The following DLG2 variants were observed in gnomAD, a reference collection of about 807,000 sequenced individuals.
The protein encoded by DLG2 is disks large homolog 2.
Under a neutral mutation model 132.5 loss-of-function variants are expected in DLG2, and 45 were observed. That is an observed-to-expected ratio of 0.34 (90% CI 0.27 to 0.44). The LOEUF (loss-of-function observed/expected upper bound fraction) is 0.44. DLG2 is among the 20% of genes least tolerant of loss of function. The probability of loss-of-function intolerance (pLI) is 1.00; values close to 1 mark genes in which losing one functional copy is unlikely to be tolerated. For synonymous variants in DLG2, 424 were observed against 419.6 expected (o/e 1.01, Z -0.13); for missense variants, 1,045 against 1,196.9 (o/e 0.87, Z 1.87).
chr11:84,862,824 G>GGGGGGGGGGGGGGGGA (rs2083948613), intron 6 of DLG2, among the ~76,000 whole-genome samples: 1 of 127,588 alleles, frequency 7.8e-6, no homozygotes, highest in African/African-American at 2.8e-5. Flanking sequence ...TGTCGGGGGG[G>GGGGGGGGGGGGGGGGA]GGGGGTGGGG....
At position 84,759,408 on chromosome 11, in the gene DLG2, T is replaced by C. The variant is rs537191687; in HGVS notation, c.358-224677A>G. Among the ~76,000 whole-genome samples the C allele has an allele frequency of 4.6e-5, 7 of 152,310 alleles. 1 individual carries two copies. Among genetic ancestry groups the C allele is most frequent in the Admixed American group, 3.9e-4 (6 of 15,300 alleles). On this transcript the variant is annotated intron_variant, in intron 6 of 27. Coordinates refer to ENST00000376104, the MANE Select transcript of DLG2 (RefSeq NM_001142699.3). ...GGAACTGTTAGCTTATGGTAACCTCTCAATCAGAACCACTCTAGTGATGAT... is the reference window on the plus strand; with the variant it reads ...GGAACTGTTAGCTTATGGTAACCTCCCAATCAGAACCACTCTAGTGATGAT...
At chr11:85,513,821 T>C (rs1290132609) in intron 3 of DLG2, among the ~76,000 whole-genome samples, 1 of 152,000 alleles carries the variant, frequency 6.6e-6, no homozygotes, top group African/African-American at 2.4e-5. Context: ...TTGATACTTC[T>C]AACAGCTGTT....
intron 7 of DLG2, among the ~76,000 whole-genome samples, chr11:84,441,884 C>A (rs546211418): frequency 3.3e-5 from 5 of 152,226 alleles, no homozygotes; most frequent in African/African-American, 1.2e-4. Flanking sequence ...GATCCTTTCC[C>A]CATTGCTTGT....
At chr11:85,169,134 A>G (rs182807455) in intron 4 of DLG2, among the ~76,000 whole-genome samples, 10 of 152,316 alleles carry the variant, frequency 6.6e-5, no homozygotes, top group African/African-American at 2.2e-4. Context: ...AATACCAAAT[A>G]CAATGGGAAC....
intron 6 of DLG2, among the ~76,000 whole-genome samples, chr11:84,722,764 C>A (rs1226708320): frequency 6.6e-6 from 1 of 152,148 alleles, no homozygotes; most frequent in Non-Finnish European, 1.5e-5. Context: ...TTGAGTTACA[C>A]CTGGTTCTAA....
chr11:84,437,140 CTG>C (rs1292531002), intron 7 of DLG2, among the ~76,000 whole-genome samples: 6 of 152,200 alleles, frequency 3.9e-5, no homozygotes, highest in African/African-American at 1.4e-4. Context: ...TGTGAAGACA[CTG>C]TATCAGTTGA....
intron 18 of DLG2, among the ~76,000 whole-genome samples, chr11:83,752,273 A>G (rs1418690264): frequency 6.5e-5 from 9 of 137,856 alleles, no homozygotes; most frequent in Non-Finnish European, 1.2e-4. Flanking sequence ...GTCTCAAAAG[A>G]AAAAAAAAAA....
At chr11:85,079,383 C>A (rs941620453) in intron 6 of DLG2, among the ~76,000 whole-genome samples, 1 of 151,868 alleles carries the variant, frequency 6.6e-6, no homozygotes, top group Non-Finnish European at 1.5e-5. Flanking sequence ...GGCATGTGGA[C>A]AACCCATTCC....
chr11:84,732,863 T>A (rs1173464162), intron 6 of DLG2, among the ~76,000 whole-genome samples: 1 of 151,398 alleles, frequency 6.6e-6, no homozygotes, highest in Non-Finnish European at 1.5e-5. Flanking sequence ...ATTGTTCAAT[T>A]CCCACCTATG....
intron 19 of DLG2, among the ~76,000 whole-genome samples, chr11:83,554,621 C>CA (rs1273614930): frequency 6.6e-6 from 1 of 152,164 alleles, no homozygotes; most frequent in African/African-American, 2.4e-5. Flanking sequence ...ATCTATCTAA[C>CA]AATATTTACC....
chr11:84,939,281 T>C (rs967410760), intron 6 of DLG2, among the ~76,000 whole-genome samples: 2 of 152,048 alleles, frequency 1.3e-5, no homozygotes, highest in Non-Finnish European at 2.9e-5. Context: ...TATGGGTACT[T>C]ACTAGGTATA....
At chr11:84,288,766 C>T (rs1447073224) in intron 7 of DLG2, among the ~76,000 whole-genome samples, 3 of 152,124 alleles carry the variant, frequency 2.0e-5, no homozygotes, top group Non-Finnish European at 4.4e-5. Flanking sequence ...ACCATAGTCA[C>T]AGACAATGGA....
chr11:84,685,451 C>A (rs1048378625), intron 6 of DLG2, among the ~76,000 whole-genome samples: 1 of 152,180 alleles, frequency 6.6e-6, no homozygotes, highest in African/African-American at 2.4e-5. Flanking sequence ...TTTCACAGAG[C>A]AAGAGCAAGC....
At chr11:84,790,184 C>T (rs2073599602) in intron 6 of DLG2, among the ~76,000 whole-genome samples, 1 of 152,130 alleles carries the variant, frequency 6.6e-6, no homozygotes, top group Non-Finnish European at 1.5e-5. Flanking sequence ...AGAGGTTGTA[C>T]TAATTTACAT....
intron 6 of DLG2, among the ~76,000 whole-genome samples, chr11:85,093,845 G>A (rs763506630): frequency 1.3e-4 from 20 of 152,280 alleles, no homozygotes; most frequent in Non-Finnish European, 2.2e-4. Flanking sequence ...AGGTTTTGAG[G>A]TGTCCATTAA....
At chr11:84,126,255 G>A (rs2094167187) in intron 9 of DLG2, among the ~76,000 whole-genome samples, 1 of 152,134 alleles carries the variant, frequency 6.6e-6, no homozygotes, top group Non-Finnish European at 1.5e-5. Context: ...TGGAAAAAAG[G>A]ACTCTTTTAT....
At chr11:83,988,506 T>C (rs1270738191) in intron 11 of DLG2, among the ~76,000 whole-genome samples, 1 of 152,150 alleles carries the variant, frequency 6.6e-6, no homozygotes, top group Admixed American at 6.6e-5. Context: ...TTGGGCAGTA[T>C]GGCCATTTTC....
chr11:83,471,771 G>A (rs1173045458), intron 23 of DLG2, 44 bp from the exon 24 acceptor site: 6 of 1,512,874 alleles, frequency 4.0e-6, no homozygotes, highest in Non-Finnish European at 5.5e-6. Context: ...GAAAGAGTTG[G>A]AAACAACTGC....
intron 18 of DLG2, among the ~76,000 whole-genome samples, chr11:83,727,893 T>C (rs192897787): frequency 1.3e-5 from 2 of 152,288 alleles, no homozygotes; most frequent in East Asian, 3.9e-4. Flanking sequence ...AGTTCAAATT[T>C]TAAAGGCCAC....
Sources: gnomAD v4.1 joint callset for allele counts (sites outside exome capture counted in the v4.1 genomes callset) on GRCh38, gnomAD v4.1.1 for gene constraint, MANE v1.5 for transcripts, NCBI Gene and HGNC (gene_info 2026-07-23, HGNC 2026-07-21) for gene names.